ADAM20: variants seen among roughly 807,000 people sequenced by gnomAD.
ADAM20 encodes the protein disintegrin and metalloproteinase domain-containing protein 20.
For synonymous variants in ADAM20, 305 were observed against 310.2 expected, an observed-to-expected ratio of 0.98 and a Z score of 0.18; for missense variants, 871 against 883.2, an observed-to-expected ratio of 0.99 and a Z score of 0.18.
the ADAM20 span, among the ~76,000 whole-genome samples, chr14:70,577,749 G>A: frequency 1.3e-5 from 2 of 152,132 alleles, no homozygotes; most frequent in Non-Finnish European, 2.9e-5. Context: ...AAGGTCAATC[G>A]TTTTTGACAA....
chr14:70,573,125 T>A, the ADAM20 span, among the ~76,000 whole-genome samples: 1 of 152,154 alleles, frequency 6.6e-6, no homozygotes, highest in East Asian at 1.9e-4. Context: ...CAAAAGGTCA[T>A]GTGCACTTGT....
chr14:70,523,528 A>G lies in ADAM20; in HGVS notation c.1230T>C (p.Cys410=), dbSNP rs752606352. The change falls in exon 2 of 2, where the codon TGT becomes TGC. Residue 410 remains cysteine (C), a synonymous_variant. Coordinates refer to ENST00000256389, the MANE Select transcript of ADAM20 (RefSeq NM_003814.5). The part of the protein sequence containing the change: ...YPGNIFRLKY[C]GNLVVEEGEE... ...CCCCTTCTTCAACCACTAGATTCCCACAGTACTTCAGTCTAAATATATTCC... is the reference window on the plus strand; with the variant it reads ...CCCCTTCTTCAACCACTAGATTCCCGCAGTACTTCAGTCTAAATATATTCC... 6.2e-7 allele frequency: 1 copy of G among 1,614,036 alleles called. No individual in the cohort carries two copies. Among genetic ancestry groups the G allele is most frequent in the Non-Finnish European group, 8.5e-7 (1 of 1,179,962 alleles).
chr14:70,523,499 T>C lies in ADAM20; in HGVS notation c.1259A>G (p.Glu420Gly). The change falls in exon 2 of 2, where the codon GAA becomes GGA. Residue 420 changes from glutamate to glycine, a missense_variant. Transcript: ENST00000256389. Reference sequence around the variant, plus strand: ...CTGCCGTATGGTTCCACAGTCACATTCCTCCCCTTCTTCAACCACTAGATT... The same window carrying C: ...CTGCCGTATGGTTCCACAGTCACATCCCTCCCCTTCTTCAACCACTAGATT... ...CGNLVVEEGE[E>G]CDCGTIRQCA... 1.2e-6 allele frequency: 2 copies of C among 1,614,016 alleles called. No individual in the cohort carries two copies. Among genetic ancestry groups the C allele is most frequent in the Non-Finnish European group, 1.7e-6 (2 of 1,179,958 alleles).
the ADAM20 span, among the ~76,000 whole-genome samples, chr14:70,546,084 C>A: frequency 6.6e-6 from 1 of 151,982 alleles, no homozygotes; most frequent in East Asian, 1.9e-4. Context: ...GGAAATTCGA[C>A]AATAAGCTCC....
chr14:70,578,552 G>C, the ADAM20 span, among the ~76,000 whole-genome samples: 1 of 152,130 alleles, frequency 6.6e-6, no homozygotes, highest in South Asian at 2.1e-4. Flanking sequence ...AGAATAAGCA[G>C]ACAACCTGCA....
At chr14:70,569,728 C>G in the ADAM20 span, among the ~76,000 whole-genome samples, 24 of 151,768 alleles carry the variant, frequency 1.6e-4, no homozygotes, top group Non-Finnish European at 2.5e-4. Flanking sequence ...ATCAAGAAGA[C>G]TTAACTATCC....
the ADAM20 span, among the ~76,000 whole-genome samples, chr14:70,571,593 T>G: frequency 1.2e-3 from 182 of 152,320 alleles, no homozygotes; most frequent in African/African-American, 4.1e-3. Flanking sequence ...ATACATCCAT[T>G]CTCCCCATGC....
the ADAM20 span, among the ~76,000 whole-genome samples, chr14:70,575,098 T>C: frequency 1.6e-4 from 24 of 151,864 alleles, no homozygotes; most frequent in Admixed American, 1.2e-3. Context: ...ACGAGATAAA[T>C]AAGTTCTAGA....
At chr14:70,545,206 C>T in the ADAM20 span, among the ~76,000 whole-genome samples, 2 of 152,268 alleles carry the variant, frequency 1.3e-5, no homozygotes, top group South Asian at 4.1e-4. Context: ...TTCATAGGAA[C>T]CAAAAATCAG....
At chr14:70,531,507 A>C (rs1883710365) in intron 1 of ADAM20, among the ~76,000 whole-genome samples, 1 of 152,160 alleles carries the variant, frequency 6.6e-6, no homozygotes, top group African/African-American at 2.4e-5. Flanking sequence ...AGTCCTAGCC[A>C]GAGAAATTAG....
Position 70,523,191 on chromosome 14 carries a change from C to A in ADAM20, c.1567G>T (p.Ala523Ser), listed in dbSNP as rs898281374. 1 of 1,614,026 alleles carries A rather than the reference C, an allele frequency of 6.2e-7. No homozygotes were observed. The highest frequency in any genetic ancestry group is 1.1e-5 in the South Asian group (1 of 91,082). Residue 523 changes from alanine to serine, a missense_variant, in exon 2 of 2, where the codon GCA becomes TCA. Coordinates refer to ENST00000256389, the MANE Select transcript of ADAM20 (RefSeq NM_003814.5). ...IQCKEIFGQD[A>S]RSASQSCYQE... ...TAGCAACTCTGAGATGCACTCCTTG[C>A]ATCTTGGCCAAAAATCTCTTTACAT...
At chr14:70,556,140 G>A in the ADAM20 span, 1 of 152,304 alleles carries the variant, frequency 6.6e-6, no homozygotes, top group South Asian at 2.1e-4. Flanking sequence ...CCTGCTGTTC[G>A]GGAGACGCTC....
chr14:70,575,042 G>T, the ADAM20 span, among the ~76,000 whole-genome samples: 2 of 151,896 alleles, frequency 1.3e-5, no homozygotes, highest in African/African-American at 4.8e-5. Flanking sequence ...GATAGAGGGG[G>T]AAGAAACATG....
chr14:70,575,082 T>C, the ADAM20 span, among the ~76,000 whole-genome samples: 1 of 151,940 alleles, frequency 6.6e-6, no homozygotes, highest in Admixed American at 6.6e-5. Flanking sequence ...ATAAATTTTC[T>C]GTAACACGAG....
intron 1 of ADAM20, among the ~76,000 whole-genome samples, chr14:70,525,685 C>T (rs996233961): frequency 1.3e-5 from 2 of 152,052 alleles, no homozygotes; most frequent in Admixed American, 6.6e-5. Context: ...CTCTTCTATC[C>T]CAGACATTTT....
Position 70,524,376 on chromosome 14 carries a change from A to C in ADAM20, c.382T>G (p.Cys128Gly). 6.2e-7 allele frequency: 1 copy of C among 1,613,982 alleles called. No homozygotes were observed. The highest frequency in any genetic ancestry group is 2.2e-5 in the East Asian group (1 of 44,870). ...VPESLVALST[C>G]SGGFLGMLQI... is the part of the protein sequence containing the mutation. ...AGCATTCCAAGAAAGCCCCCAGAAC[A>C]GGTACTAAGGGCAACCAAGGACTCA... The change falls in exon 2 of 2, where the codon TGT becomes GGT. Residue 128 changes from cysteine (C) to glycine (G), a missense_variant. Transcript: ENST00000256389.
At chr14:70,560,337 G>A in the ADAM20 span, among the ~76,000 whole-genome samples, 1 of 152,178 alleles carries the variant, frequency 6.6e-6, no homozygotes, top group East Asian at 1.9e-4. Flanking sequence ...ATTTTATAAT[G>A]GTCCAGGCAC....
At chr14:70,560,165 G>A in the ADAM20 span, among the ~76,000 whole-genome samples, 2 of 152,230 alleles carry the variant, frequency 1.3e-5, no homozygotes, top group African/African-American at 4.8e-5. Flanking sequence ...TCATGAATGA[G>A]GTAAAGATGT....
At chr14:70,539,449 G>A (rs186544432), upstream of ADAM20, among the ~76,000 whole-genome samples, 8 of 152,296 alleles carry the variant, frequency 5.3e-5, no homozygotes, top group East Asian at 5.8e-4. Flanking sequence ...CATGAGGGGC[G>A]CCTGTCCATG....
Sources: allele counts gnomAD v4.1 joint callset (sites outside exome capture counted in the v4.1 genomes callset), GRCh38; gene constraint gnomAD v4.1.1; transcripts MANE v1.5; gene names NCBI Gene and HGNC (gene_info 2026-07-23, HGNC 2026-07-21).